Variants in KIF17 observed in about 807,000 individuals in gnomAD.
KIF17 encodes the protein kinesin family member 17, also known as kinesin-like protein KIF17.
KIF17 carries 80 observed loss-of-function variants against 96.8 expected under a neutral mutation model. The observed-to-expected ratio is 0.83, with a 90% CI of 0.69 to 1.00. The LOEUF (loss-of-function observed/expected upper bound fraction) is 1.00. Among genes scored for constraint, KIF17 ranks in the 50% least tolerant of loss-of-function variants. The pLI is 0.00. For missense variants in KIF17, 1,280 were observed against 1,372.9 expected, an observed-to-expected ratio of 0.93 and a Z score of 1.07; for synonymous variants, 567 against 587.5, an observed-to-expected ratio of 0.97 and a Z score of 0.51.
intron 6 of KIF17, among the ~76,000 whole-genome samples, chr1:20,695,181 T>G (rs1396757362): frequency 6.6e-6 from 1 of 152,060 alleles, no homozygotes; most frequent in Non-Finnish European, 1.5e-5. Flanking sequence ...TCTCCATTCT[T>G]TTTTTAATTT....
At chr1:20,698,351 T>C in intron 6 of KIF17, 28 bp downstream of exon 6, 2 of 1,547,120 alleles carry the variant, frequency 1.3e-6, no homozygotes, top group Non-Finnish European at 1.8e-6. Flanking sequence ...CTGTCCCTTC[T>C]CCATGTTCCC....
At chr1:20,691,077 G>A (rs61778499) in intron 6 of KIF17, among the ~76,000 whole-genome samples, 15,812 of 151,742 alleles carry the variant, frequency 0.1, 950 homozygotes, top group African/African-American at 0.15. Context: ...GAGGCAGATC[G>A]CTTGAGGCCA....
chr1:20,683,919 C>A (rs506637), intron 10 of KIF17, among the ~76,000 whole-genome samples: 1 of 151,712 alleles, frequency 6.6e-6, no homozygotes. Context: ...GTGAAGGCCC[C>A]CCAGCCTTCC....
chr1:20,671,816 C>T, intron 12 of KIF17, 122 bp downstream of exon 12: 2 of 1,217,666 alleles, frequency 1.6e-6, no homozygotes, highest in Non-Finnish European at 2.3e-6. Context: ...GCATCAGGTA[C>T]CCAGGGTCAC....
chr1:20,695,070 A>T (rs2054110219), intron 6 of KIF17, among the ~76,000 whole-genome samples: 1 of 152,116 alleles, frequency 6.6e-6, no homozygotes, highest in African/African-American at 2.4e-5. Context: ...ACATGCACCC[A>T]CAGACACACA....
chr1:20,664,508 A>G lies in KIF17; in HGVS notation c.*76T>C. 1 of 1,611,454 alleles carries G rather than the reference A, an allele frequency of 6.2e-7. No homozygotes were observed. The highest frequency in any genetic ancestry group is 1.1e-5 in the South Asian group (1 of 90,858). On this transcript the variant is annotated 3_prime_UTR_variant, in exon 15 of 15. Coordinates refer to ENST00000400463, the MANE Select transcript of KIF17 (RefSeq NM_001122819.3). ...AGCGCTGTGTGGCAGGTGGGAGGAG[A>G]CCTGGTTGGGGCTGCCCTGGGAGGG...
chr1:20,669,688 C>A (rs1425714515), intron 13 of KIF17, among the ~76,000 whole-genome samples: 1 of 148,654 alleles, frequency 6.7e-6, no homozygotes, highest in East Asian at 2.0e-4. Context: ...CCTGGCCAAC[C>A]CGGTGAAACT....
At chr1:20,689,729 T>A (rs1388476481) in intron 7 of KIF17, among the ~76,000 whole-genome samples, 1 of 152,060 alleles carries the variant, frequency 6.6e-6, no homozygotes, top group African/African-American at 2.4e-5. Context: ...AAGGATTAAA[T>A]CCTTATTATG....
At position 20,698,424 on chromosome 1, in the gene KIF17, A is replaced by G; in HGVS notation, c.1188T>C (p.Pro396=). The G allele has an allele frequency of 6.2e-7, 1 of 1,613,870 alleles. No homozygotes were observed. Among genetic ancestry groups the G allele is most frequent in the Non-Finnish European group, 8.5e-7 (1 of 1,179,966 alleles). The change falls in exon 6 of 15, where the codon CCT becomes CCC. Residue 396 remains proline (P), a synonymous_variant. Coordinates refer to ENST00000400463, the MANE Select transcript of KIF17 (RefSeq NM_001122819.3). Reference sequence around the variant, plus strand: ...CGGCCTCCACGTCATGCTGGATCACAGGTTGGGGCAACAGCTTCTCCTCCA... The same window carrying G: ...CGGCCTCCACGTCATGCTGGATCACGGGTTGGGGCAACAGCTTCTCCTCCA... ...VQVEEKLLPQ[P]VIQHDVEAEK... is the part of the protein sequence containing the mutation.
downstream of KIF17, among the ~76,000 whole-genome samples, chr1:20,662,885 C>A (rs1038802797): frequency 5.9e-5 from 9 of 152,216 alleles, no homozygotes; most frequent in Non-Finnish European, 1.0e-4. Flanking sequence ...TTTCTGGGAG[C>A]CCCACCCAGC....
intron 13 of KIF17, among the ~76,000 whole-genome samples, chr1:20,670,217 A>G (rs1231474212): frequency 6.6e-6 from 1 of 152,072 alleles, no homozygotes; most frequent in Non-Finnish European, 1.5e-5. Context: ...TATGACTGTG[A>G]GTACCTTTGA....
At position 20,682,889 on chromosome 1, in the gene KIF17, C is replaced by T. The variant is rs199907647; in HGVS notation, c.2232-5G>A. ...TGCTGCTCCAACAGCTGCAGACTGC[C>T]GGCGTGGAGGAGAAAGCAAACAAGA... is the stretch of plus-strand genomic sequence containing the variant. On this transcript the variant is annotated splice_region_variant and splice_polypyrimidine_tract_variant and intron_variant, in intron 10 of 14. Coordinates refer to ENST00000400463, the MANE Select transcript of KIF17 (RefSeq NM_001122819.3). The T allele has an allele frequency of 1.5e-4, 248 of 1,607,730 alleles. No individual in the cohort carries two copies. The East Asian group carries it at 3.6e-3, about 23-fold the overall frequency.
chr1:20,677,334 G>T (rs1421943389), intron 11 of KIF17, among the ~76,000 whole-genome samples: 1 of 152,230 alleles, frequency 6.6e-6, no homozygotes, highest in Non-Finnish European at 1.5e-5. Context: ...CATGTCTAGT[G>T]ACATCGAGCA....
At chr1:20,683,690 G>T (rs1307303710) in intron 10 of KIF17, among the ~76,000 whole-genome samples, 1 of 152,014 alleles carries the variant, frequency 6.6e-6, no homozygotes, top group Non-Finnish European at 1.5e-5. Flanking sequence ...CCTGCTGTGG[G>T]TCTCCATCAG....
intron 3 of KIF17, among the ~76,000 whole-genome samples, chr1:20,710,039 C>T (rs78114834): frequency 0.074 from 11,221 of 152,276 alleles, 705 homozygotes; most frequent in East Asian, 0.31. Flanking sequence ...GCTATGGGAC[C>T]TTCAGCCAAT....
intron 7 of KIF17, 93 bp downstream of exon 7, chr1:20,690,095 G>A: frequency 7.3e-7 from 1 of 1,373,528 alleles, no homozygotes; most frequent in Non-Finnish European, 1.0e-6. Context: ...TGATCCTCGG[G>A]TGTAGAAAAT....
chr1:20,664,217 G>T lies in KIF17; in HGVS notation c.*367C>A. ...GATATTGAGCTTCCTCCACGTGGCA[G>T]CTGCTGCCCTCTCCATCAGGGCTGG... is the stretch of plus-strand genomic sequence containing the variant. On this transcript the variant is annotated 3_prime_UTR_variant, in exon 15 of 15. Coordinates refer to ENST00000400463, the MANE Select transcript of KIF17 (RefSeq NM_001122819.3). The T allele has an allele frequency of 1.6e-6, 1 of 606,444 alleles. No homozygotes were observed. The allele number at this position is 606,444 out of a possible 1,614,324, so 37.6% of individuals were successfully genotyped here. A position where few individuals can be genotyped will look rare whatever the true frequency, so the allele number is the denominator to read the frequency against.
At position 20,672,052 on chromosome 1, in the gene KIF17, T is replaced by A. The variant is rs148681058; in HGVS notation, c.2608A>T (p.Arg870Trp). The A allele has an allele frequency of 1.4e-4, 223 of 1,614,050 alleles. No individual in the cohort carries two copies. Among genetic ancestry groups the A allele is most frequent in the Non-Finnish European group, 1.8e-4 (210 of 1,180,040 alleles). ...LLEQVQPLIR[R>W]DCNYSNLEKI... Reference sequence around the variant, plus strand: ...TCCAGGTTGCTGTAGTTACAGTCCCTGCGAATCAGGGGCTGCACCTGCTCC... The same window carrying A: ...TCCAGGTTGCTGTAGTTACAGTCCCAGCGAATCAGGGGCTGCACCTGCTCC... Residue 870 changes from arginine (R) to tryptophan (W), a missense_variant, in exon 12 of 15, where the codon AGG becomes TGG. Coordinates refer to ENST00000400463, the MANE Select transcript of KIF17 (RefSeq NM_001122819.3). This position sits in a 1 kb window ranked among gnomAD's most constrained non-coding sequence, Gnocchi z 4.3.
rs1295921065 is a variant in KIF17 at position 20,672,188 on chromosome 1, T to C, written c.2472A>G (p.Ala824=). Residue 824 remains alanine (A), a synonymous_variant, in exon 12 of 15, where the codon GCA becomes GCG. Coordinates refer to ENST00000400463, the MANE Select transcript of KIF17 (RefSeq NM_001122819.3). This position sits in a 1 kb window ranked among gnomAD's most constrained non-coding sequence, Gnocchi z 4.3. The part of the protein sequence containing the change: ...LLEKMQRKLR[A]AEVEIKDLQS... Reference sequence around the variant, plus strand: ...GCAGATCTTTGATCTCCACCTCTGCTGCCCGAAGCTGAAAGCAAAGGATGA... The same window carrying C: ...GCAGATCTTTGATCTCCACCTCTGCCGCCCGAAGCTGAAAGCAAAGGATGA... The C allele has an allele frequency of 2.5e-6, 4 of 1,614,004 alleles. No individual in the cohort carries two copies. The highest frequency in any genetic ancestry group is 3.3e-5 in the Admixed American group (2 of 59,986).
Sources: allele counts gnomAD v4.1 joint callset (sites outside exome capture counted in the v4.1 genomes callset), GRCh38; gene constraint gnomAD v4.1.1; non-coding constraint Gnocchi (gnomAD v3.1); transcripts MANE v1.5; gene names NCBI Gene and HGNC (gene_info 2026-07-23, HGNC 2026-07-21).